The following RBM44 variants were observed in gnomAD, a reference collection of about 807,000 sequenced individuals.
RBM44 encodes the protein RNA binding motif protein 44, also known as RNA-binding protein 44.
In RBM44, 66 loss-of-function variants were observed where a neutral mutation model predicts 105.1. The observed-to-expected ratio is 0.63, with a 90% CI of 0.52 to 0.77. The LOEUF is 0.77. Among genes scored for constraint, RBM44 ranks in the 30% least tolerant of loss-of-function variants. The pLI is 0.00. For missense variants in RBM44, 1,122 were observed against 1,207.8 expected, an observed-to-expected ratio of 0.93 and a Z score of 1.05; for synonymous variants, 365 against 417.6, an observed-to-expected ratio of 0.87 and a Z score of 1.54.
chr2:237,824,671 A>G (rs1181548719), intron 10 of RBM44, among the ~76,000 whole-genome samples: 1 of 152,156 alleles, frequency 6.6e-6, no homozygotes, highest in Non-Finnish European at 1.5e-5. Flanking sequence ...CTCTTGCTCT[A>G]GGCCAACATC....
intron 9 of RBM44, 136 bp downstream of exon 9, chr2:237,823,690 A>G: frequency 1.8e-6 from 1 of 547,020 alleles, no homozygotes; most frequent in East Asian, 3.1e-5. Context: ...TATAAATGTC[A>G]AGTATGTTCT....
At position 237,834,002 on chromosome 2, in the gene RBM44, CAAG is replaced by C; in HGVS notation, c.2898_2900del (p.Lys966del). 1 of 1,523,864 alleles carries C rather than the reference CAAG, an allele frequency of 6.6e-7. No homozygotes were observed. Among genetic ancestry groups the C allele is most frequent in the Non-Finnish European group, 8.8e-7 (1 of 1,131,420 alleles). The allele number at this position is 1,523,864 out of a possible 1,614,324, so 94.4% of individuals were successfully genotyped here. ...CTTTTTAAATGCTTATTTAGGGTGT[CAAG>C]AAGAATTGTAAGCAGATTGAATCTG... On this transcript the variant is annotated inframe_deletion, in exon 14 of 16. Transcript: ENST00000316997.
intron 13 of RBM44, among the ~76,000 whole-genome samples, chr2:237,831,235 CT>C (rs201763104): frequency 2.0e-3 from 176 of 88,814 alleles, no homozygotes; most frequent in South Asian, 7.0e-3. Context: ...CTTATTTGTC[CT>C]TTTTTTTGGG....
At position 237,818,810 on chromosome 2, in the gene RBM44, A is replaced by G; in HGVS notation, c.1678-91A>G. The G allele has an allele frequency of 1.3e-6, 1 of 791,676 alleles. No individual in the cohort carries two copies. The highest frequency in any genetic ancestry group is 2.0e-6 in the Non-Finnish European group (1 of 501,474). The allele number at this position is 791,676 out of a possible 1,614,324, so 49.0% of individuals were successfully genotyped here. The stretch of plus-strand genomic sequence containing the variant: ...TCCTCCTCTCCTGGCAGCTCCTCCC[A>G]CAAAATCCATTAGAAATTGAATTGT... On this transcript the variant is annotated intron_variant, in intron 3 of 15. Coordinates refer to ENST00000316997, the MANE Select transcript of RBM44 (RefSeq NM_001080504.3). This position sits in a 1 kb window ranked among gnomAD's most constrained non-coding sequence, Gnocchi z 4.6.
chr2:237,818,528 A>T lies in RBM44; in HGVS notation c.1609A>T (p.Ile537Leu). ...AGATTGTATAGATACACAGATGGCT[A>T]TAACAAAAGGATCAGGAAAATCTCT... ...SEDCIDTQMA[I>L]TKGSGKSLSV... is the part of the protein sequence containing the mutation. Residue 537 changes from isoleucine to leucine, a missense_variant, in exon 3 of 16, where the codon ATA becomes TTA. Physicochemically the swap from Ile to Leu is conservative, Grantham distance 5. Transcript: ENST00000316997. This position sits in a 1 kb window ranked among gnomAD's most constrained non-coding sequence, Gnocchi z 4.6. The T allele has an allele frequency of 6.2e-7, 1 of 1,602,818 alleles. No homozygotes were observed. The highest frequency in any genetic ancestry group is 8.5e-7 in the Non-Finnish European group (1 of 1,175,106).
At chr2:237,807,180 G>T (rs946591168) in intron 1 of RBM44, among the ~76,000 whole-genome samples, 1 of 152,048 alleles carries the variant, frequency 6.6e-6, no homozygotes, top group Non-Finnish European at 1.5e-5. Context: ...ATGGAATCTC[G>T]CTCTGTTGCC....
At position 237,817,374 on chromosome 2, in the gene RBM44, A is replaced by T. The variant is rs774764581; in HGVS notation, c.455A>T (p.Asp152Val). Residue 152 changes from aspartate to valine, a missense_variant, in exon 3 of 16, where the codon GAT (aspartate) becomes GTT (valine). Asp to Val is a radical substitution (Grantham distance 152). Transcript: ENST00000316997. Reference sequence around the variant, plus strand: ...TTTTTTAATATTTTGGAACATCAAGATAAGACTGTTGGCTTGGAAAGAATC... The same window carrying T: ...TTTTTTAATATTTTGGAACATCAAGTTAAGACTGTTGGCTTGGAAAGAATC... ...EVFFNILEHQDKTVGLERIYN... is the reference protein window; with the variant it reads ...EVFFNILEHQVKTVGLERIYN... The T allele has an allele frequency of 1.2e-6, 2 of 1,604,596 alleles. No individual in the cohort carries two copies. Among genetic ancestry groups the T allele is most frequent in the Non-Finnish European group, 1.7e-6 (2 of 1,175,474 alleles).
chr2:237,840,043 G>A (rs572444290), intron 15 of RBM44, among the ~76,000 whole-genome samples: 1 of 152,114 alleles, frequency 6.6e-6, no homozygotes, highest in South Asian at 2.1e-4. Context: ...ACGAAAATTA[G>A]CCGAGCATGA....
In RBM44 at chr2:237,818,655, A is replaced by AT; in HGVS notation, c.1677+60dup. On this transcript the variant is annotated intron_variant, in intron 3 of 15. Coordinates refer to ENST00000316997, the MANE Select transcript of RBM44 (RefSeq NM_001080504.3). This position sits in a 1 kb window ranked among gnomAD's most constrained non-coding sequence, Gnocchi z 4.6. ...CTTTATAAAGAGACAGTGTATGCTA[A>AT]TGTAAGTGTTTTTGGTTCGTTGAAT... 1.7e-6 allele frequency: 2 copies of AT among 1,206,566 alleles called. No individual in the cohort carries two copies. The highest frequency in any genetic ancestry group is 2.3e-6 in the Non-Finnish European group (2 of 888,862). The allele number at this position is 1,206,566 out of a possible 1,614,324, so 74.7% of individuals were successfully genotyped here. A position where few individuals can be genotyped will look rare whatever the true frequency, so the allele number is the denominator to read the frequency against.
In RBM44 at chr2:237,818,618, AT is replaced by A; in HGVS notation, c.1677+23del. The A allele has an allele frequency of 7.0e-7, 1 of 1,434,574 alleles. No individual in the cohort carries two copies. The highest frequency in any genetic ancestry group is 9.3e-7 in the Non-Finnish European group (1 of 1,079,472). 88.9% of individuals were successfully genotyped at this position (1,434,574 alleles called of 1,614,324 possible). A position where few individuals can be genotyped will look rare whatever the true frequency, so the allele number is the denominator to read the frequency against. ...TAAGGTAAAATCAATATGAGTAATA[AT>A]AAAATTTGGACTTTATAAAGAGACA... On this transcript the variant is annotated intron_variant, in intron 3 of 15. Coordinates refer to ENST00000316997, the MANE Select transcript of RBM44 (RefSeq NM_001080504.3). This position sits in a 1 kb window ranked among gnomAD's most constrained non-coding sequence, Gnocchi z 4.6.
chr2:237,809,922 C>A (rs1426868553), intron 1 of RBM44, among the ~76,000 whole-genome samples: 1 of 152,098 alleles, frequency 6.6e-6, no homozygotes, highest in Non-Finnish European at 1.5e-5. Flanking sequence ...GAAGAGCAAA[C>A]CCCTTCTCTT....
intron 15 of RBM44, among the ~76,000 whole-genome samples, chr2:237,835,646 C>G (rs2061951786): frequency 6.6e-6 from 1 of 152,098 alleles, no homozygotes; most frequent in Non-Finnish European, 1.5e-5. Context: ...AAGCCTAATT[C>G]AGAGCAAGGA....
rs777919919 is a variant in RBM44 at position 237,829,363 on chromosome 2, G to A, written c.2747G>A (p.Gly916Glu). ...ACATCACCACTTTCCTCCAAAAATG[G>A]GAATAGAATTAGTTCGAATAATTTA... ...EYTSPLSSKN[G>E]NRISSNNLEK... The change falls in exon 13 of 16, where the codon GGG becomes GAG. Residue 916 changes from glycine to glutamate, a missense_variant. Around this residue, in one of 3 missense-constraint regions of RBM44, gnomAD observed 194 missense variants for 225.5 expected, o/e 0.86. Transcript: ENST00000316997. 22 of 1,613,484 alleles carry A rather than the reference G, an allele frequency of 1.4e-5. No homozygotes were observed. Among genetic ancestry groups the A allele is most frequent in the East Asian group, 2.2e-5 (1 of 44,888 alleles).
rs962577712 is a variant in RBM44, at chr2:237,803,780, A to G, written c.-19+4919A>G. Among the ~76,000 whole-genome samples the G allele has an allele frequency of 3.9e-5, 6 of 152,054 alleles. No homozygotes were observed. Among genetic ancestry groups the G allele is most frequent in the African/African-American group, 1.5e-4 (6 of 41,368 alleles). The stretch of plus-strand genomic sequence containing the variant: ...TAAAAATATGATTCATCTCACTTTT[A>G]TTGTGGTGTGAGGTGTGGGTCCAGG... On this transcript the variant is annotated intron_variant, in intron 1 of 15. Coordinates refer to ENST00000316997, the MANE Select transcript of RBM44 (RefSeq NM_001080504.3). This position sits in a 1 kb window ranked among gnomAD's most constrained non-coding sequence, Gnocchi z 4.2.
chr2:237,812,035 T>A (rs984582378), intron 1 of RBM44, among the ~76,000 whole-genome samples: 21 of 152,128 alleles, frequency 1.4e-4, no homozygotes, highest in Admixed American at 5.2e-4. Flanking sequence ...TTTGTATTTT[T>A]AGTAGAGACA....
chr2:237,801,287 ACTCCAGC>A (rs2061543901), intron 1 of RBM44, among the ~76,000 whole-genome samples: 1 of 152,078 alleles, frequency 6.6e-6, no homozygotes, highest in Non-Finnish European at 1.5e-5. Context: ...CTACCATAGC[ACTCCAGC>A]CTCCAGCCTG....
In RBM44 at chr2:237,818,125, T is replaced by C. The variant is rs375799855; in HGVS notation, c.1206T>C (p.Thr402=). The part of the protein sequence containing the change: ...ACGYYESLQN[T]ADSALDFSAM... ...GATATTATGAAAGCCTACAAAACAC[T>C]GCTGACTCAGCCTTAGATTTTTCTG... Residue 402 remains threonine (T), a synonymous_variant, in exon 3 of 16, where the codon ACT becomes ACC. Coordinates refer to ENST00000316997, the MANE Select transcript of RBM44 (RefSeq NM_001080504.3). The surrounding 1 kb of genome is among the most constrained non-coding windows in gnomAD (Gnocchi z 4.6). 5.6e-5 allele frequency: 90 copies of C among 1,613,196 alleles called. 1 individual carries two copies. The African/African-American group carries it at 1.0e-3, about 19-fold the overall frequency.
At chr2:237,839,360 A>G (rs191102484) in intron 15 of RBM44, among the ~76,000 whole-genome samples, 91 of 151,912 alleles carry the variant, frequency 6.0e-4, no homozygotes, top group African/African-American at 2.2e-3. Context: ...TGCAACCTCC[A>G]CCTCCCAGAT....
intron 1 of RBM44, 87 bp from the exon 2 acceptor site, chr2:237,813,505 A>G: frequency 1.5e-6 from 1 of 661,498 alleles, no homozygotes; most frequent in Non-Finnish European, 2.5e-6. Flanking sequence ...TGGAAATTTT[A>G]AAAGGACATA....
Sources: gnomAD v4.1 joint callset for allele counts (sites outside exome capture counted in the v4.1 genomes callset) on GRCh38, gnomAD v4.1.1 for gene constraint, gnomAD v4.1.1 regional missense constraint, Gnocchi (gnomAD v3.1) non-coding constraint, MANE v1.5 for transcripts, NCBI Gene and HGNC (gene_info 2026-07-23, HGNC 2026-07-21) for gene names.